DLGAP1: variants seen among roughly 807,000 people sequenced by gnomAD.
DLGAP1 encodes disks large-associated protein 1.
DLGAP1 carries 11 observed loss-of-function variants against 90.8 expected under a neutral mutation model. The ratio of observed to expected loss-of-function variants is 0.12; its 90% confidence interval spans 0.08 to 0.20. DLGAP1 has a LOEUF of 0.20. DLGAP1 is among the 10% of genes least tolerant of loss of function. The pLI, the probability that DLGAP1 is intolerant of heterozygous loss-of-function variation, is 1.00. For synonymous variants in DLGAP1, 558 were observed against 540.7 expected (o/e 1.03, Z -0.44); for missense variants, 1,050 against 1,333.8 (o/e 0.79, Z 3.31).
chr18:3,668,322 T>C (rs888047146), intron 7 of DLGAP1, among the ~76,000 whole-genome samples: 1 of 152,118 alleles, frequency 6.6e-6, no homozygotes, highest in Non-Finnish European at 1.5e-5. Flanking sequence ...CTTCCTTCCA[T>C]GTTTTCTAGA....
chr18:3,546,294 G>A (rs577936967), intron 9 of DLGAP1, among the ~76,000 whole-genome samples: 1 of 152,024 alleles, frequency 6.6e-6, no homozygotes, highest in South Asian at 2.1e-4. Context: ...TGCACCTGTA[G>A]TCCCAGCTAC....
chr18:4,365,465 TCTAAAA>T (rs1228232952), intron 1 of DLGAP1, among the ~76,000 whole-genome samples: 3 of 152,278 alleles, frequency 2.0e-5, no homozygotes, highest in Admixed American at 2.0e-4. Flanking sequence ...TAGAAAATGT[TCTAAAA>T]CTAAATTAGA....
chr18:4,050,403 G>T lies in DLGAP1; in HGVS notation c.-158-45202C>A, dbSNP rs911356844. Among the ~76,000 whole-genome samples, 3 of 152,128 alleles carry T rather than the reference G, an allele frequency of 2.0e-5. 1 individual carries two copies. The highest frequency in any genetic ancestry group is 2.0e-4 in the Admixed American group (3 of 15,284). On this transcript the variant is annotated intron_variant, in intron 2 of 12. Transcript: ENST00000315677. ...ATTTACAGATATTATTTGTTCTTCA[G>T]AGCATACCTGTGAGGTATATGCAGG...
chr18:3,687,925 G>C (rs1020974536), intron 7 of DLGAP1, among the ~76,000 whole-genome samples: 10 of 53,228 alleles, frequency 1.9e-4, no homozygotes, highest in Admixed American at 1.8e-3. Flanking sequence ...TTTTTTTTTT[G>C]AGACAGGGTC....
chr18:3,581,549 G>A (rs1441436511), intron 8 of DLGAP1, among the ~76,000 whole-genome samples: 1 of 150,774 alleles, frequency 6.6e-6, no homozygotes, highest in African/African-American at 2.4e-5. Context: ...TGGAATATTT[G>A]TACTGCTCTC....
intron 1 of DLGAP1, among the ~76,000 whole-genome samples, chr18:4,417,416 T>G (rs1035429938): frequency 6.6e-6 from 1 of 152,152 alleles, no homozygotes; most frequent in Non-Finnish European, 1.5e-5. Context: ...ACAGTAAATA[T>G]GGGGTTTTCA....
chr18:3,906,858 T>A (rs2071918650), intron 3 of DLGAP1, among the ~76,000 whole-genome samples: 1 of 152,228 alleles, frequency 6.6e-6, no homozygotes, highest in African/African-American at 2.4e-5. Context: ...AACTTGGAAC[T>A]CCAATCAATA....
chr18:3,665,983 A>G (rs1244820729), intron 7 of DLGAP1, among the ~76,000 whole-genome samples: 3 of 152,200 alleles, frequency 2.0e-5, no homozygotes, highest in Admixed American at 2.0e-4. Flanking sequence ...CGAGCTGGAA[A>G]CAAAACACAG....
intron 2 of DLGAP1, among the ~76,000 whole-genome samples, chr18:4,087,260 C>G (rs2143696900): frequency 6.6e-6 from 1 of 151,824 alleles, no homozygotes; most frequent in Middle Eastern, 3.4e-3. Flanking sequence ...CATAAACTGG[C>G]CCCAAAACTG....
At chr18:3,955,913 G>A (rs1170296603) in intron 3 of DLGAP1, among the ~76,000 whole-genome samples, 4 of 152,034 alleles carry the variant, frequency 2.6e-5, no homozygotes. Flanking sequence ...ATAGAAAAAA[G>A]AACAATTCCT....
chr18:3,978,562 G>T, intron 3 of DLGAP1: 2 of 232,028 alleles, frequency 8.6e-6, no homozygotes, highest in South Asian at 1.4e-4. Context: ...CAGTTCCGGT[G>T]ACCAGGTGCC....
At chr18:3,570,891 T>C (rs562658346) in intron 8 of DLGAP1, among the ~76,000 whole-genome samples, 1 of 144,944 alleles carries the variant, frequency 6.9e-6, no homozygotes, top group African/African-American at 2.6e-5. Context: ...ATCATGCCAC[T>C]GCACTCCAGC....
intron 7 of DLGAP1, among the ~76,000 whole-genome samples, chr18:3,694,224 T>C (rs1417643911): frequency 6.6e-6 from 1 of 152,198 alleles, no homozygotes; most frequent in Non-Finnish European, 1.5e-5. Flanking sequence ...AACGCATCCA[T>C]TTTTATGGCT....
At chr18:3,969,847 A>G (rs2073407775) in intron 3 of DLGAP1, among the ~76,000 whole-genome samples, 1 of 152,204 alleles carries the variant, frequency 6.6e-6, no homozygotes, top group African/African-American at 2.4e-5. Context: ...TGTTTCACGT[A>G]AAGGGCCTTT....
chr18:3,557,438 C>A (rs189964873), intron 9 of DLGAP1, among the ~76,000 whole-genome samples: 2 of 152,152 alleles, frequency 1.3e-5, no homozygotes, highest in African/African-American at 2.4e-5. Flanking sequence ...AGGAGAATCG[C>A]TTGAACTTGG....
At chr18:3,970,312 T>G (rs7241704) in intron 3 of DLGAP1, among the ~76,000 whole-genome samples, 74,239 of 151,942 alleles carry the variant, frequency 0.49, 18,763 homozygotes, top group African/African-American at 0.61. Context: ...CGGAGTTCCA[T>G]GACAATATGA....
chr18:3,504,812 T>C (rs1315088893), intron 11 of DLGAP1, among the ~76,000 whole-genome samples: 2 of 152,226 alleles, frequency 1.3e-5, no homozygotes, highest in African/African-American at 2.4e-5. Context: ...GCCTCAGCCA[T>C]TCTCCAAATC....
intron 1 of DLGAP1, among the ~76,000 whole-genome samples, chr18:4,359,506 C>G (rs185475842): frequency 5.9e-5 from 9 of 152,324 alleles, no homozygotes; most frequent in African/African-American, 1.9e-4. Context: ...TACAAGTACA[C>G]AGGTTTTCCT....
chr18:3,787,115 G>A (rs990370901), intron 5 of DLGAP1, among the ~76,000 whole-genome samples: 2 of 142,568 alleles, frequency 1.4e-5, no homozygotes, highest in Non-Finnish European at 3.1e-5. Context: ...TAGGAAAAAT[G>A]CTCATGATAA....
Sources: gnomAD v4.1 joint callset for allele counts (sites outside exome capture counted in the v4.1 genomes callset) on GRCh38, gnomAD v4.1.1 for gene constraint, MANE v1.5 for transcripts, NCBI Gene and HGNC (gene_info 2026-07-23, HGNC 2026-07-21) for gene names.